DLC1: variants seen among roughly 807,000 people sequenced by gnomAD.
DLC1 encodes the protein rho GTPase-activating protein 7.
A neutral mutation model predicts 140.3 loss-of-function variants in DLC1; 54 were observed. The ratio of observed to expected loss-of-function variants is 0.38; its 90% confidence interval spans 0.31 to 0.48. The LOEUF is 0.48. Among genes scored for constraint, DLC1 ranks in the 20% least tolerant of loss-of-function variants. The pLI is 0.96. For missense variants in DLC1, 2,536 were observed against 1,907.0 expected, an observed-to-expected ratio of 1.33 and a Z score of -6.14; for synonymous variants, 986 against 728.1, an observed-to-expected ratio of 1.35 and a Z score of -5.70.
chr8:13,406,043 G>A (rs1382833756), intron 2 of DLC1, among the ~76,000 whole-genome samples: 3 of 132,986 alleles, frequency 2.3e-5, no homozygotes, highest in South Asian at 2.4e-4. Flanking sequence ...GTCCAGCTCT[G>A]TCTCCCAGGC....
At chr8:13,365,418 A>T (rs1835433321) in intron 4 of DLC1, among the ~76,000 whole-genome samples, 1 of 152,140 alleles carries the variant, frequency 6.6e-6, no homozygotes, top group South Asian at 2.1e-4. Context: ...TCACTTGCAG[A>T]TACTATGATA....
At chr8:13,442,520 C>A (rs949182946) in intron 2 of DLC1, among the ~76,000 whole-genome samples, 1 of 152,170 alleles carries the variant, frequency 6.6e-6, no homozygotes, top group Non-Finnish European at 1.5e-5. Flanking sequence ...AAAAATCAAA[C>A]AACCCCATCA....
At chr8:13,217,748 G>A (rs759896248) in intron 5 of DLC1, among the ~76,000 whole-genome samples, 1 of 151,756 alleles carries the variant, frequency 6.6e-6, no homozygotes, top group Non-Finnish European at 1.5e-5. Flanking sequence ...TGAGGCAGGA[G>A]AATTGCTTGA....
chr8:13,289,441 C>A (rs1356700413), intron 5 of DLC1, among the ~76,000 whole-genome samples: 1 of 152,188 alleles, frequency 6.6e-6, no homozygotes, highest in Non-Finnish European at 1.5e-5. Context: ...ATCCTCCTAC[C>A]TCAGCCACCT....
At chr8:13,217,875 A>T (rs944294644) in intron 5 of DLC1, among the ~76,000 whole-genome samples, 1 of 151,902 alleles carries the variant, frequency 6.6e-6, no homozygotes, top group Non-Finnish European at 1.5e-5. Flanking sequence ...CAACCAACTA[A>T]AAGTTGTTCT....
intron 5 of DLC1, among the ~76,000 whole-genome samples, chr8:13,170,175 C>T (rs143454707): frequency 4.3e-4 from 65 of 152,064 alleles, no homozygotes; most frequent in African/African-American, 1.5e-3. Flanking sequence ...TAGAAAAGGC[C>T]GCTGATGTAT....
Position 13,579,441 on chromosome 8 carries a change from TATTTTATATTATATATTTAATA to T in DLC1, c.-126+25074_-126+25095del, listed in dbSNP as rs1395499078. ...TTTATATTATATATTTAATACATTA[TATTTTATATTATATATTTAATA>T]CATTATATTTTATATTATATATTTA... On this transcript the variant is annotated intron_variant, in intron 1 of 1. Coordinates refer to the DLC1 transcript ENST00000631382. 6.5e-4 allele frequency among the ~76,000 whole-genome samples: 52 copies of T among 79,946 alleles called. 9 individuals are homozygous for T. Among genetic ancestry groups the T allele is most frequent in the African/African-American group, 3.2e-3 (51 of 16,182 alleles). 52.4% of individuals were successfully genotyped at this position (79,946 alleles called of 152,430 possible).
At chr8:13,107,742 C>T (rs1563612792) in intron 7 of DLC1, among the ~76,000 whole-genome samples, 1 of 152,166 alleles carries the variant, frequency 6.6e-6, no homozygotes, top group East Asian at 1.9e-4. Context: ...CAGCTCAGAA[C>T]TTGTACTACG....
rs55633837 is a variant in DLC1 at position 13,313,018 on chromosome 8, T to C, written c.1315-7716A>G. ...TTCGATGTTACACTCCTCATAATGATTCATTTTGTCCATGAAGTCTGAATA... is the reference window on the plus strand; with the variant it reads ...TTCGATGTTACACTCCTCATAATGACTCATTTTGTCCATGAAGTCTGAATA... On this transcript the variant is annotated intron_variant, in intron 4 of 17. Transcript: ENST00000276297. Among the ~76,000 whole-genome samples the C allele has an allele frequency of 3.1e-3, 479 of 152,252 alleles. 3 individuals are homozygous for C. The highest frequency in any genetic ancestry group is 0.011 in the African/African-American group (446 of 41,552).
chr8:13,136,951 C>T (rs746525573), intron 5 of DLC1, among the ~76,000 whole-genome samples: 4 of 152,074 alleles, frequency 2.6e-5, no homozygotes, highest in Non-Finnish European at 4.4e-5. Context: ...GAGGGTTTTA[C>T]GAGGCTTGAA....
chr8:13,304,908 T>C (rs1832354055), intron 5 of DLC1: 1 of 997,452 alleles, frequency 1.0e-6, no homozygotes, highest in Non-Finnish European at 1.2e-6. Flanking sequence ...CTGTGGCTAC[T>C]AAGTCATTAA....
rs191813258 is a variant in DLC1, at chr8:13,159,980, A to C, written c.1349-44323T>G. On this transcript the variant is annotated intron_variant, in intron 5 of 17. Transcript: ENST00000276297. ...CGAGACCAGCCTGGACAATATGGTG[A>C]AACCCTGTCTATACTAAAAATACAA... Among the ~76,000 whole-genome samples the C allele has an allele frequency of 1.8e-4, 28 of 152,266 alleles. No homozygotes were observed. The East Asian group carries it at 2.9e-3, about 16-fold the overall frequency.
intron 4 of DLC1, among the ~76,000 whole-genome samples, chr8:13,323,535 G>A (rs1198739033): frequency 6.6e-6 from 1 of 151,926 alleles, no homozygotes; most frequent in Non-Finnish European, 1.5e-5. Flanking sequence ...TTGGGTTGAT[G>A]GTCATCCTTT....
intron 5 of DLC1, among the ~76,000 whole-genome samples, chr8:13,250,363 CCA>C (rs1829950252): frequency 6.6e-6 from 1 of 152,108 alleles, no homozygotes; most frequent in African/African-American, 2.4e-5. Flanking sequence ...GTCAGCTGGC[CCA>C]CACAGTATCA....
intron 1 of DLC1, among the ~76,000 whole-genome samples, chr8:13,595,514 A>G (rs1805653835): frequency 6.6e-6 from 1 of 152,100 alleles, no homozygotes; most frequent in Non-Finnish European, 1.5e-5. Context: ...CTAGCCATTA[A>G]TGAGATAAAT....
intron 4 of DLC1, among the ~76,000 whole-genome samples, chr8:13,376,323 C>T (rs1436635319): frequency 6.6e-6 from 1 of 152,124 alleles, no homozygotes; most frequent in Admixed American, 6.6e-5. Flanking sequence ...TAAGTCCAAA[C>T]GGGAAGCATT....
At chr8:13,102,190 C>T (rs1316073374) in intron 8 of DLC1, among the ~76,000 whole-genome samples, 2 of 152,198 alleles carry the variant, frequency 1.3e-5, no homozygotes, top group Non-Finnish European at 2.9e-5. Flanking sequence ...CCCAGTACTA[C>T]ACCCACCTCT....
intron 5 of DLC1, among the ~76,000 whole-genome samples, chr8:13,161,316 C>A (rs555638905): frequency 6.6e-6 from 1 of 151,266 alleles, no homozygotes. Flanking sequence ...AGGTGATCAG[C>A]GTCATTTGTG....
intron 1 of DLC1, among the ~76,000 whole-genome samples, chr8:13,551,912 ATG>A (rs35257190): frequency 1.5e-5 from 2 of 137,824 alleles, no homozygotes; most frequent in African/African-American, 5.3e-5. Flanking sequence ...ATATATATAT[ATG>A]TACCTCTAGA....
Sources: allele counts gnomAD v4.1 joint callset (sites outside exome capture counted in the v4.1 genomes callset), GRCh38; gene constraint gnomAD v4.1.1; transcripts MANE v1.5; gene names NCBI Gene and HGNC (gene_info 2026-07-23, HGNC 2026-07-21).